The following CCBE1 variants were observed in gnomAD, a reference collection of about 807,000 sequenced individuals.
CCBE1 encodes the protein collagen and calcium-binding EGF domain-containing protein 1.
In CCBE1, 37 loss-of-function variants were observed where a neutral mutation model predicts 50.0. That is an observed-to-expected ratio of 0.74 (90% CI 0.57 to 0.97). The LOEUF (loss-of-function observed/expected upper bound fraction) is 0.97, where lower values mean the gene tolerates loss of function less well. CCBE1 is among the 50% of genes least tolerant of loss of function. The pLI, the probability that CCBE1 is intolerant of heterozygous loss-of-function variation, is 0.00. For synonymous variants in CCBE1, 234 were observed against 203.7 expected, an observed-to-expected ratio of 1.15 and a Z score of -1.27; for missense variants, 538 against 523.8, an observed-to-expected ratio of 1.03 and a Z score of -0.26.
At position 59,648,457 on chromosome 18, in the gene CCBE1, G is replaced by A. The variant is rs561806200; in HGVS notation, c.212+48172C>T. Among the ~76,000 whole-genome samples, 3 of 152,292 alleles carry A rather than the reference G, an allele frequency of 2.0e-5. No homozygotes were observed. In the South Asian group the frequency reaches 6.2e-4, roughly 32 times the overall value. On this transcript the variant is annotated intron_variant, in intron 2 of 10. Transcript: ENST00000439986. ...ATGGGGGCTCACACCTGTAGCCCCA[G>A]CATTTGGAAGGCTGACACGGATGGA...
intron 10 of CCBE1, among the ~76,000 whole-genome samples, chr18:59,436,405 G>A (rs1598898669): frequency 6.6e-6 from 1 of 152,268 alleles, no homozygotes; most frequent in African/African-American, 2.4e-5. Context: ...AAGGATATAA[G>A]AATAACTCTC....
intron 2 of CCBE1, among the ~76,000 whole-genome samples, chr18:59,605,077 A>G (rs2053479825): frequency 1.3e-5 from 2 of 152,178 alleles, no homozygotes; most frequent in South Asian, 4.1e-4. Flanking sequence ...CTTGATTGCA[A>G]AGGCTGGGAA....
intron 2 of CCBE1, among the ~76,000 whole-genome samples, chr18:59,661,933 C>T (rs540921167): frequency 2.0e-5 from 3 of 151,488 alleles, no homozygotes; most frequent in Admixed American, 6.6e-5. Flanking sequence ...CACCACTGTA[C>T]TCTAGCCAGG....
At chr18:59,678,555 T>A (rs2054540376) in intron 2 of CCBE1, among the ~76,000 whole-genome samples, 1 of 152,120 alleles carries the variant, frequency 6.6e-6, no homozygotes, top group African/African-American at 2.4e-5. Context: ...TATTTTGAGA[T>A]GGAGTCTCAC....
intron 10 of CCBE1, 56 bp from the exon 11 acceptor site, chr18:59,436,197 G>C: frequency 6.6e-7 from 1 of 1,507,464 alleles, no homozygotes; most frequent in Non-Finnish European, 9.2e-7. Flanking sequence ...TGGCCTCCGG[G>C]GCTCCATGAC....
At chr18:59,622,818 A>C (rs2053730839) in intron 2 of CCBE1, among the ~76,000 whole-genome samples, 1 of 98,280 alleles carries the variant, frequency 1.0e-5, no homozygotes, top group East Asian at 5.0e-4. Flanking sequence ...AAAAGAAAGA[A>C]AAAGAAAAAA....
At chr18:59,653,170 C>T (rs1342465910) in intron 2 of CCBE1, among the ~76,000 whole-genome samples, 1 of 152,168 alleles carries the variant, frequency 6.6e-6, no homozygotes, top group Admixed American at 6.5e-5. Context: ...GATCTCTGGC[C>T]CTCTCCTCCA....
chr18:59,584,131 G>A (rs1299550445), intron 2 of CCBE1, among the ~76,000 whole-genome samples: 2 of 152,010 alleles, frequency 1.3e-5, no homozygotes, highest in African/African-American at 2.4e-5. Flanking sequence ...CTGGATTAAG[G>A]AAATGTGGCA....
At chr18:59,516,621 GGTCT>G (rs1381642423) in intron 2 of CCBE1, among the ~76,000 whole-genome samples, 1 of 152,020 alleles carries the variant, frequency 6.6e-6, no homozygotes, top group Non-Finnish European at 1.5e-5. Context: ...TCATCTTCAG[GGTCT>G]GTTTCTCTTC....
chr18:59,460,593 TAGA>T (rs1911413401), intron 5 of CCBE1, among the ~76,000 whole-genome samples: 2 of 152,122 alleles, frequency 1.3e-5, no homozygotes, highest in Non-Finnish European at 2.9e-5. Flanking sequence ...GTCCTCTGCT[TAGA>T]AGGTGTGGAG....
intron 2 of CCBE1, among the ~76,000 whole-genome samples, chr18:59,579,621 ACAATTC>A (rs2053053687): frequency 6.6e-6 from 1 of 152,208 alleles, no homozygotes; most frequent in South Asian, 2.1e-4. Flanking sequence ...CAGACAACAC[ACAATTC>A]CAGAGGGCCC....
chr18:59,540,811 G>A (rs1204578730), intron 2 of CCBE1, among the ~76,000 whole-genome samples: 2 of 152,156 alleles, frequency 1.3e-5, no homozygotes, highest in African/African-American at 4.8e-5. Context: ...TACAGAACCG[G>A]TAAACCCTGA....
At chr18:59,653,878 A>G (rs1201720978) in intron 2 of CCBE1, among the ~76,000 whole-genome samples, 1 of 152,244 alleles carries the variant, frequency 6.6e-6, no homozygotes, top group African/African-American at 2.4e-5. Context: ...ATGACTGCAT[A>G]TAAAATTCAA....
intron 2 of CCBE1, among the ~76,000 whole-genome samples, chr18:59,692,435 G>C (rs1488203566): frequency 6.6e-6 from 1 of 152,092 alleles, no homozygotes; most frequent in Non-Finnish European, 1.5e-5. Context: ...ATTCACACTG[G>C]AGCAAAGAGT....
At chr18:59,696,748 G>A (rs1308215431) in intron 1 of CCBE1, 39 bp from the exon 2 acceptor site, 19 of 1,601,194 alleles carry the variant, frequency 1.2e-5, no homozygotes, top group Non-Finnish European at 1.6e-5. Context: ...ATTCTCAGCG[G>A]GAGAGCGGAG....
intron 6 of CCBE1, among the ~76,000 whole-genome samples, chr18:59,448,813 A>C (rs1187018634): frequency 6.6e-6 from 1 of 152,208 alleles, no homozygotes; most frequent in Non-Finnish European, 1.5e-5. Flanking sequence ...AATCTTGTGC[A>C]ATCTGAAAGC....
rs1599010136 is a variant in CCBE1, at chr18:59,556,493, A to G, written c.213-76255T>C. ...TTAATCAGATGTGCTGTAATTACTT[A>G]TTGAATGTGATCCAGCTGCAGAAGA... On this transcript the variant is annotated intron_variant, in intron 2 of 10. Coordinates refer to ENST00000439986, the MANE Select transcript of CCBE1 (RefSeq NM_133459.4). 2.0e-5 allele frequency among the ~76,000 whole-genome samples: 3 copies of G among 152,236 alleles called. No individual in the cohort carries two copies. In the East Asian group the frequency reaches 5.8e-4, roughly 29 times the overall value.
chr18:59,574,052 C>G (rs546463751), intron 2 of CCBE1, among the ~76,000 whole-genome samples: 1 of 152,120 alleles, frequency 6.6e-6, no homozygotes, highest in Non-Finnish European at 1.5e-5. Flanking sequence ...ATCTGTGCTA[C>G]GAGGCATAAA....
intron 2 of CCBE1, among the ~76,000 whole-genome samples, chr18:59,592,226 C>A (rs1234206665): frequency 6.6e-6 from 1 of 152,132 alleles, no homozygotes; most frequent in Admixed American, 6.5e-5. Context: ...CACAGCAAGT[C>A]TGCGTCTCGA....
Sources: allele counts gnomAD v4.1 joint callset (sites outside exome capture counted in the v4.1 genomes callset), GRCh38; gene constraint gnomAD v4.1.1; transcripts MANE v1.5; gene names NCBI Gene and HGNC (gene_info 2026-07-23, HGNC 2026-07-21).